CGGBP1: variants seen among roughly 807,000 people sequenced by gnomAD.
CGGBP1 encodes the protein CGG triplet repeat-binding protein 1.
In CGGBP1, 4 loss-of-function variants were observed where a neutral mutation model predicts 11.4. The observed-to-expected ratio is 0.35, with a 90% CI of 0.17 to 0.80. CGGBP1 has a LOEUF of 0.80. Ranked by LOEUF, CGGBP1 falls within the 30% of genes least tolerant of loss-of-function variation. The pLI is 0.52. For synonymous variants in CGGBP1, 76 were observed against 74.1 expected, an observed-to-expected ratio of 1.03 and a Z score of -0.13; for missense variants, 135 against 202.1, an observed-to-expected ratio of 0.67 and a Z score of 2.01.
chr3:88,072,392 C>A (rs1707564197), intron 2 of CGGBP1, among the ~76,000 whole-genome samples: 1 of 152,128 alleles, frequency 6.6e-6, no homozygotes, highest in South Asian at 2.1e-4. Flanking sequence ...AGAGTCAAAG[C>A]CAAAATCCTT....
At chr3:88,061,009 TTTTTATTTTGATAATTGGCATTCAC>T (rs1343164211), upstream of CGGBP1, among the ~76,000 whole-genome samples, 1 of 152,158 alleles carries the variant, frequency 6.6e-6, no homozygotes, top group Non-Finnish European at 1.5e-5. Flanking sequence ...TGAAAATGTA[TTTTTATTTTGATAATTGGCATTCAC>T]TTTTATTTTG....
intron 2 of CGGBP1, among the ~76,000 whole-genome samples, chr3:88,122,778 G>A (rs1335054763): frequency 6.6e-6 from 1 of 152,042 alleles, no homozygotes; most frequent in African/African-American, 2.4e-5. Context: ...GGGAAACCGA[G>A]GTGGGCAGAT....
intron 2 of CGGBP1, among the ~76,000 whole-genome samples, chr3:88,103,114 A>G (rs1343630934): frequency 6.6e-6 from 1 of 152,124 alleles, no homozygotes; most frequent in Non-Finnish European, 1.5e-5. Flanking sequence ...CACTTAGGAT[A>G]ATGGCCTTAT....
upstream of CGGBP1, chr3:88,059,187 C>G: frequency 7.0e-7 from 1 of 1,434,640 alleles, no homozygotes; most frequent in Non-Finnish European, 9.1e-7. Context: ...AAGTAGAGCC[C>G]AGCCGAGAGG....
intron 2 of CGGBP1, among the ~76,000 whole-genome samples, chr3:88,076,889 G>A (rs1195158952): frequency 6.6e-6 from 1 of 152,176 alleles, no homozygotes; most frequent in Non-Finnish European, 1.5e-5. Context: ...CCACATGGAG[G>A]ACTCTGACCT....
intron 2 of CGGBP1, among the ~76,000 whole-genome samples, chr3:88,102,447 C>G (rs1253410893): frequency 6.6e-6 from 1 of 152,030 alleles, no homozygotes; most frequent in African/African-American, 2.4e-5. Flanking sequence ...GCTGTTAATC[C>G]CATACAGTGT....
intron 1 of CGGBP1, chr3:88,143,884 GTCTTTTAAAACATAAACCTACA>G (rs1707240946): frequency 6.6e-6 from 1 of 151,872 alleles, no homozygotes; most frequent in Non-Finnish European, 1.5e-5. Context: ...TATTACATCT[GTCTTTTAAAACATAAACCTACA>G]TCATTTTGCT....
chr3:88,115,197 C>T (rs1243241960), intron 2 of CGGBP1, among the ~76,000 whole-genome samples: 3 of 152,238 alleles, frequency 2.0e-5, no homozygotes, highest in Non-Finnish European at 1.5e-5. Flanking sequence ...CTGATAAGCT[C>T]CAAGGTGATA....
chr3:88,080,157 G>T (rs562611126), intron 2 of CGGBP1, among the ~76,000 whole-genome samples: 1 of 152,026 alleles, frequency 6.6e-6, no homozygotes, highest in Non-Finnish European at 1.5e-5. Context: ...TGCATTGTTT[G>T]TCAGATGAGC....
intron 2 of CGGBP1, among the ~76,000 whole-genome samples, chr3:88,137,322 T>C (rs540401839): frequency 2.0e-4 from 30 of 152,122 alleles, no homozygotes; most frequent in African/African-American, 7.2e-4. Flanking sequence ...CTAATTATAA[T>C]TGACATTTAG....
chr3:88,100,804 C>T (rs1411391213), intron 2 of CGGBP1, among the ~76,000 whole-genome samples: 1 of 151,714 alleles, frequency 6.6e-6, no homozygotes, highest in South Asian at 2.1e-4. Flanking sequence ...ACAGCGGGGC[C>T]TGTCATGGGG....
At chr3:88,135,995 TGTA>T (rs771100647) in intron 2 of CGGBP1, among the ~76,000 whole-genome samples, 1 of 152,120 alleles carries the variant, frequency 6.6e-6, no homozygotes, top group South Asian at 2.1e-4. Context: ...TGTATGATCA[TGTA>T]GTGATCATAT....
intron 2 of CGGBP1, among the ~76,000 whole-genome samples, chr3:88,120,571 C>T (rs952862937): frequency 6.6e-6 from 1 of 152,084 alleles, no homozygotes; most frequent in African/African-American, 2.4e-5. Context: ...AGAAGACAAA[C>T]ATGAGTTTTA....
chr3:88,075,885 T>G (rs1290738409), intron 2 of CGGBP1, among the ~76,000 whole-genome samples: 1 of 152,224 alleles, frequency 6.6e-6, no homozygotes, highest in Non-Finnish European at 1.5e-5. Flanking sequence ...TTGCTCACTC[T>G]TGTATCTGAC....
chr3:88,126,943 C>T (rs866195474), intron 2 of CGGBP1, among the ~76,000 whole-genome samples: 3 of 152,220 alleles, frequency 2.0e-5, no homozygotes, highest in Middle Eastern at 3.4e-3. Context: ...GATTTAACAG[C>T]GGTCCTTTGT....
intron 2 of CGGBP1, among the ~76,000 whole-genome samples, chr3:88,083,901 G>C (rs1225828528): frequency 2.0e-5 from 3 of 149,960 alleles, no homozygotes; most frequent in African/African-American, 7.4e-5. Context: ...CAGCATAGGA[G>C]AAAAATTTCA....
At chr3:88,114,576 T>C (rs4858998) in intron 2 of CGGBP1, among the ~76,000 whole-genome samples, 112,946 of 152,066 alleles carry the variant, frequency 0.74, 44,036 homozygotes, top group South Asian at 0.91. Flanking sequence ...ATATACTACC[T>C]GCCTCCCCCA....
chr3:88,145,390 G>C lies in CGGBP1; in HGVS notation c.-337-4312C>G, dbSNP rs1470767222. ...TTATGCCTTGAAACACTATGAGAGT[G>C]TTATTGAAACATTCTAGAGCTGAGA... On this transcript the variant is annotated intron_variant, in intron 1 of 3. Coordinates refer to the CGGBP1 transcript ENST00000462901. Among the ~76,000 whole-genome samples, 5 of 152,152 alleles carry C rather than the reference G, an allele frequency of 3.3e-5. No homozygotes were observed. The South Asian group carries it at 6.2e-4, about 19-fold the overall frequency.
At chr3:88,124,990 C>T (rs12495156) in intron 2 of CGGBP1, among the ~76,000 whole-genome samples, 8,687 of 151,850 alleles carry the variant, frequency 0.057, 275 homozygotes, top group Admixed American at 0.079. Flanking sequence ...CCGAGGCAGG[C>T]GGATCATGAG....
Sources: gnomAD v4.1 joint callset for allele counts (sites outside exome capture counted in the v4.1 genomes callset) on GRCh38, gnomAD v4.1.1 for gene constraint, MANE v1.5 for transcripts, NCBI Gene and HGNC (gene_info 2026-07-23, HGNC 2026-07-21) for gene names.